Variants in ATF7IP observed in about 807,000 individuals in gnomAD.
The protein encoded by ATF7IP is activating transcription factor 7-interacting protein 1.
Under a neutral mutation model 106.4 loss-of-function variants are expected in ATF7IP, and 23 were observed. The ratio of observed to expected loss-of-function variants is 0.22; its 90% CI spans 0.16 to 0.31. ATF7IP has a LOEUF of 0.31. Among genes scored for constraint, ATF7IP ranks in the 10% least tolerant of loss-of-function variants. The pLI, the probability that ATF7IP is intolerant of heterozygous loss-of-function variation, is 1.00. For missense variants in ATF7IP, 1,334 were observed against 1,524.3 expected (o/e 0.88, Z 2.08); for synonymous variants, 542 against 539.0 (o/e 1.01, Z -0.08).
intron 1 of ATF7IP, among the ~76,000 whole-genome samples, chr12:14,413,644 A>G (rs1331293964): frequency 6.6e-6 from 1 of 152,200 alleles, no homozygotes; most frequent in Non-Finnish European, 1.5e-5. Context: ...TCATATGTAA[A>G]GTTGAAATTA....
At chr12:14,438,362 T>G (rs1942516214) in intron 5 of ATF7IP, 95 bp downstream of exon 5, 1 of 1,160,590 alleles carries the variant, frequency 8.6e-7, no homozygotes, top group Non-Finnish European at 1.2e-6. Context: ...TAAAATACAT[T>G]TAAATTCTAA....
At position 14,434,440 on chromosome 12, in the gene ATF7IP, A is replaced by G; in HGVS notation, c.1645+17A>G. On this transcript the variant is annotated intron_variant, in intron 3 of 14. Transcript: ENST00000261168. Reference sequence around the variant, plus strand: ...CTGAGAAAAGTATGCATGTATAAACAAACTTGAACTGGATTGAAAAATAAT... The same window carrying G: ...CTGAGAAAAGTATGCATGTATAAACGAACTTGAACTGGATTGAAAAATAAT... 1 of 1,266,558 alleles carries G rather than the reference A, an allele frequency of 7.9e-7. No homozygotes were observed. The highest frequency in any genetic ancestry group is 2.4e-5 in the East Asian group (1 of 41,932). 78.5% of individuals were successfully genotyped at this position (1,266,558 alleles called of 1,614,324 possible).
intron 10 of ATF7IP, among the ~76,000 whole-genome samples, chr12:14,471,062 G>T (rs963997083): frequency 2.0e-5 from 3 of 151,932 alleles, no homozygotes; most frequent in African/African-American, 7.3e-5. Flanking sequence ...TTAGTAATTT[G>T]TTTAATTTCG....
At chr12:14,386,331 C>T (rs768551089) in intron 1 of ATF7IP, among the ~76,000 whole-genome samples, 2 of 152,152 alleles carry the variant, frequency 1.3e-5, no homozygotes, top group South Asian at 2.1e-4. Context: ...TTCTTATTCA[C>T]GTAGTATTTC....
chr12:14,402,813 G>T (rs1047904726), intron 1 of ATF7IP, among the ~76,000 whole-genome samples: 3 of 152,142 alleles, frequency 2.0e-5, no homozygotes, highest in African/African-American at 7.2e-5. Context: ...GTCCAGGCTG[G>T]TCTTGAACTT....
At chr12:14,482,824 TAAAG>T (rs1294804976) in intron 13 of ATF7IP, among the ~76,000 whole-genome samples, 2 of 152,142 alleles carry the variant, frequency 1.3e-5, no homozygotes, top group Non-Finnish European at 2.9e-5. Context: ...ATTCTTCAAA[TAAAG>T]AGAGTAATAA....
intron 1 of ATF7IP, among the ~76,000 whole-genome samples, chr12:14,423,061 T>C (rs1174480753): frequency 6.6e-6 from 1 of 152,196 alleles, no homozygotes; most frequent in East Asian, 1.9e-4. Context: ...CACTCATTAT[T>C]CTCGTTGATT....
intron 6 of ATF7IP, among the ~76,000 whole-genome samples, chr12:14,447,824 TAA>T (rs1190572913): frequency 1.3e-5 from 2 of 152,190 alleles, no homozygotes; most frequent in Admixed American, 6.5e-5. Context: ...GAGATTAGAT[TAA>T]GTCACTTTAT....
intron 13 of ATF7IP, among the ~76,000 whole-genome samples, chr12:14,494,730 C>G (rs1185976083): frequency 6.6e-6 from 1 of 151,070 alleles, no homozygotes; most frequent in Non-Finnish European, 1.5e-5. Context: ...GTCAGGAGTT[C>G]GAGATGAGCC....
chr12:14,394,088 A>G (rs1165755479), intron 1 of ATF7IP, among the ~76,000 whole-genome samples: 2 of 152,242 alleles, frequency 1.3e-5, no homozygotes, highest in Non-Finnish European at 2.9e-5. Context: ...CCATCATAAT[A>G]GTGATACCTG....
At chr12:14,438,080 G>A (rs762700810) in intron 4 of ATF7IP, 50 bp from the exon 5 acceptor site, 10 of 1,574,318 alleles carry the variant, frequency 6.4e-6, no homozygotes, top group African/African-American at 2.7e-5. Flanking sequence ...ACTGTTTATT[G>A]CTTGCTGGAA....
chr12:14,457,134 T>G, intron 7 of ATF7IP, 73 bp from the exon 8 acceptor site: 1 of 1,306,206 alleles, frequency 7.7e-7, no homozygotes, highest in East Asian at 2.4e-5. Context: ...GGGCCACTGC[T>G]TATTCTAGAT....
In ATF7IP at chr12:14,488,357, A is replaced by G. The variant is rs570832264; in HGVS notation, c.3280+7172A>G. 9.9e-5 allele frequency among the ~76,000 whole-genome samples: 15 copies of G among 152,268 alleles called. 1 individual carries two copies. The South Asian group carries it at 2.9e-3, about 29-fold the overall frequency. On this transcript the variant is annotated intron_variant, in intron 13 of 14. Coordinates refer to ENST00000261168, the MANE Select transcript of ATF7IP (RefSeq NM_018179.5). The stretch of plus-strand genomic sequence containing the variant: ...GCAAGGAAAGCTAGTCTGACACCCA[A>G]AAACAGAGGAACTTGGAGGCCGATG...
intron 1 of ATF7IP, among the ~76,000 whole-genome samples, chr12:14,408,282 C>G (rs986666495): frequency 1.3e-5 from 2 of 151,742 alleles, no homozygotes; most frequent in Non-Finnish European, 2.9e-5. Context: ...TATTTTTTTC[C>G]AAGAAAATAG....
At chr12:14,434,053 T>C (rs1942274973) in intron 2 of ATF7IP, among the ~76,000 whole-genome samples, 1 of 152,236 alleles carries the variant, frequency 6.6e-6, no homozygotes, top group South Asian at 2.1e-4. Flanking sequence ...TTAATGTTAC[T>C]GGTGACAGAA....
At chr12:14,448,374 T>C (rs1453034433) in intron 6 of ATF7IP, among the ~76,000 whole-genome samples, 1 of 152,198 alleles carries the variant, frequency 6.6e-6, no homozygotes, top group Non-Finnish European at 1.5e-5. Flanking sequence ...AGTTTTTACA[T>C]GTGTATTTAA....
At position 14,434,124 on chromosome 12, in the gene ATF7IP, A is replaced by G. The variant is rs191712992; in HGVS notation, c.1559-213A>G. 2.6e-5 allele frequency among the ~76,000 whole-genome samples: 4 copies of G among 152,328 alleles called. No homozygotes were observed. In the East Asian group the frequency reaches 7.7e-4, roughly 29 times the overall value. On this transcript the variant is annotated intron_variant, in intron 2 of 14. Transcript: ENST00000261168. ...TATATTAAGATTAAATCCTGTGTTG[A>G]GTTTGTTCTGAATTGCAGAACAGTT...
At chr12:14,450,057 A>C (rs1473776973) in intron 6 of ATF7IP, among the ~76,000 whole-genome samples, 1 of 152,132 alleles carries the variant, frequency 6.6e-6, no homozygotes, top group African/African-American at 2.4e-5. Flanking sequence ...CTGAGTTTAC[A>C]TATGTTTGAA....
intron 1 of ATF7IP, among the ~76,000 whole-genome samples, chr12:14,387,560 C>T (rs770656221): frequency 2.0e-5 from 3 of 151,930 alleles, no homozygotes; most frequent in Non-Finnish European, 2.9e-5. Context: ...TAATATTTGC[C>T]GCTACCCTCT....
Sources: gnomAD v4.1 joint callset for allele counts (sites outside exome capture counted in the v4.1 genomes callset) on GRCh38, gnomAD v4.1.1 for gene constraint, MANE v1.5 for transcripts, NCBI Gene and HGNC (gene_info 2026-07-23, HGNC 2026-07-21) for gene names.